Variants in ADGRB3 observed in about 807,000 individuals in gnomAD.
ADGRB3 encodes brain-specific angiogenesis inhibitor 3.
Under a neutral mutation model 193.4 loss-of-function variants are expected in ADGRB3, and 37 were observed. The ratio of observed to expected loss-of-function variants is 0.19; its 90% CI spans 0.15 to 0.25. The LOEUF is 0.25. ADGRB3 is among the 10% of genes least tolerant of loss of function. ADGRB3 has a pLI of 1.00. For missense variants in ADGRB3, 1,637 were observed against 1,852.9 expected, an observed-to-expected ratio of 0.88 and a Z score of 2.14; for synonymous variants, 690 against 644.2, an observed-to-expected ratio of 1.07 and a Z score of -1.08.
intron 23 of ADGRB3, chr6:69,332,722 T>C (rs1174764450): frequency 6.1e-6 from 6 of 985,316 alleles, no homozygotes; most frequent in Non-Finnish European, 7.2e-6. Flanking sequence ...ATGAACTTAA[T>C]GTACTTTACA....
At chr6:68,762,958 G>A (rs1051367054) in intron 3 of ADGRB3, among the ~76,000 whole-genome samples, 17 of 152,198 alleles carry the variant, frequency 1.1e-4, no homozygotes, top group Admixed American at 1.1e-3. Context: ...TTAAAACTTA[G>A]CCTGACTCCA....
chr6:68,929,350 T>G (rs1245637253), intron 3 of ADGRB3, among the ~76,000 whole-genome samples: 1 of 152,202 alleles, frequency 6.6e-6, no homozygotes, highest in East Asian at 1.9e-4. Flanking sequence ...GTAAAAAATT[T>G]CTGACACATC....
intron 3 of ADGRB3, among the ~76,000 whole-genome samples, chr6:68,726,565 TA>T (rs1343912134): frequency 6.6e-6 from 1 of 151,622 alleles, no homozygotes; most frequent in African/African-American, 2.4e-5. Context: ...GAGCTGCATT[TA>T]GATGGACCAT....
intron 3 of ADGRB3, among the ~76,000 whole-genome samples, chr6:68,679,960 T>C (rs2746139): frequency 1.3e-5 from 2 of 151,978 alleles, no homozygotes; most frequent in African/African-American, 2.4e-5. Context: ...TATTAGGAGG[T>C]AGTGCCTTCA....
At chr6:68,802,892 A>G (rs148575323) in intron 3 of ADGRB3, among the ~76,000 whole-genome samples, 5 of 152,314 alleles carry the variant, frequency 3.3e-5, no homozygotes, top group Non-Finnish European at 5.9e-5. Flanking sequence ...TATTAACAAC[A>G]TTCTATTTAC....
At chr6:68,827,205 C>A (rs565741842) in intron 3 of ADGRB3, among the ~76,000 whole-genome samples, 3 of 152,048 alleles carry the variant, frequency 2.0e-5, no homozygotes, top group African/African-American at 7.2e-5. Flanking sequence ...AGGAGAACAA[C>A]ATGTTAAGTG....
chr6:68,996,694 A>G (rs139901445), intron 11 of ADGRB3, among the ~76,000 whole-genome samples: 3 of 152,146 alleles, frequency 2.0e-5, no homozygotes, highest in Admixed American at 2.0e-4. Context: ...CTCAGGTCTT[A>G]TGGGCCTGTG....
chr6:69,070,174 C>A (rs528675666), intron 16 of ADGRB3, among the ~76,000 whole-genome samples: 5 of 152,178 alleles, frequency 3.3e-5, no homozygotes, highest in African/African-American at 1.2e-4. Flanking sequence ...TGTGCCTCCA[C>A]TGAAAAGAGA....
rs1180727109 is a variant in ADGRB3, at chr6:69,063,056, C to T, written c.2436+20C>T. 6.5e-7 allele frequency: 1 copy of T among 1,539,550 alleles called. No homozygotes were observed. Among genetic ancestry groups the T allele is most frequent in the Admixed American group, 1.7e-5 (1 of 59,304 alleles). ...GCTAATGTAAGTACCATCCACTGGG[C>T]ACTGACTTGCTTATGGAATTACCTT... On this transcript the variant is annotated intron_variant, in intron 16 of 31. Coordinates refer to ENST00000370598, the MANE Select transcript of ADGRB3 (RefSeq NM_001704.3).
chr6:68,830,230 C>T (rs1216797750), intron 3 of ADGRB3, among the ~76,000 whole-genome samples: 1 of 152,088 alleles, frequency 6.6e-6, no homozygotes, highest in Non-Finnish European at 1.5e-5. Context: ...GGTATCAGAT[C>T]TGGAAATATC....
intron 20 of ADGRB3, among the ~76,000 whole-genome samples, chr6:69,274,460 C>A (rs1767249454): frequency 7.0e-6 from 1 of 143,756 alleles, no homozygotes; most frequent in African/African-American, 2.7e-5. Context: ...TTCCTTCCTT[C>A]CTTCCTTCCT....
intron 3 of ADGRB3, among the ~76,000 whole-genome samples, chr6:68,779,537 G>A (rs971865889): frequency 1.3e-5 from 2 of 151,946 alleles, no homozygotes; most frequent in East Asian, 1.9e-4. Flanking sequence ...ATTTAACAAC[G>A]TTTGGCATAT....
At chr6:69,377,837 G>A (rs1207760349) in intron 30 of ADGRB3, among the ~76,000 whole-genome samples, 1 of 152,024 alleles carries the variant, frequency 6.6e-6, no homozygotes, top group African/African-American at 2.4e-5. Context: ...CCACCTACAG[G>A]TCATTTACAG....
At chr6:69,306,275 C>A (rs1441067281) in intron 20 of ADGRB3, among the ~76,000 whole-genome samples, 1 of 149,038 alleles carries the variant, frequency 6.7e-6, no homozygotes, top group Non-Finnish European at 1.5e-5. Flanking sequence ...CCAATGTTGT[C>A]ACGATATATT....
chr6:69,231,753 G>A (rs919603511), intron 17 of ADGRB3, among the ~76,000 whole-genome samples: 2 of 152,098 alleles, frequency 1.3e-5, no homozygotes, highest in Admixed American at 1.3e-4. Context: ...TAGAAGTATT[G>A]GGGTAAAGTT....
chr6:69,040,376 TC>T (rs749327293), intron 13 of ADGRB3, among the ~76,000 whole-genome samples: 3,867 of 53,004 alleles, frequency 0.073, 365 homozygotes, highest in East Asian at 0.42. Context: ...TTTCTTTCTT[TC>T]CTTCTCTCTC....
At chr6:69,208,265 C>T (rs947051640) in intron 17 of ADGRB3, among the ~76,000 whole-genome samples, 16 of 152,280 alleles carry the variant, frequency 1.1e-4, no homozygotes, top group African/African-American at 2.4e-4. Flanking sequence ...TGAGGTCACC[C>T]GGTGGTGAGC....
chr6:68,980,985 A>G (rs1193887783), intron 10 of ADGRB3, among the ~76,000 whole-genome samples: 1 of 151,570 alleles, frequency 6.6e-6, no homozygotes, highest in Non-Finnish European at 1.5e-5. Context: ...AGTAACTGTT[A>G]TTATTATTAC....
chr6:69,065,437 C>T (rs1771873166), intron 16 of ADGRB3, among the ~76,000 whole-genome samples: 1 of 152,080 alleles, frequency 6.6e-6, no homozygotes, highest in Non-Finnish European at 1.5e-5. Flanking sequence ...ACAATATATA[C>T]AGCCCTTCTA....
Sources: allele counts gnomAD v4.1 joint callset (sites outside exome capture counted in the v4.1 genomes callset), GRCh38; gene constraint gnomAD v4.1.1; transcripts MANE v1.5; gene names NCBI Gene and HGNC (gene_info 2026-07-23, HGNC 2026-07-21).